The following PRMT3 variants were observed in gnomAD, a reference collection of about 807,000 sequenced individuals.
PRMT3 encodes the protein protein arginine methyltransferase 3, also known as protein arginine N-methyltransferase 3.
A neutral mutation model predicts 71.9 loss-of-function variants in PRMT3; 62 were observed. The ratio of observed to expected loss-of-function variants is 0.86; its 90% CI spans 0.70 to 1.07. The LOEUF is 1.07. Among genes scored for constraint, PRMT3 ranks in the 50% least tolerant of loss-of-function variants. PRMT3 has a pLI of 0.00. For synonymous variants in PRMT3, 213 were observed against 220.4 expected (o/e 0.97, Z 0.30); for missense variants, 663 against 643.0 (o/e 1.03, Z -0.34).
At chr11:20,508,031 A>G (rs1851634497) in intron 15 of PRMT3, among the ~76,000 whole-genome samples, 1 of 151,782 alleles carries the variant, frequency 6.6e-6, no homozygotes, top group Non-Finnish European at 1.5e-5. Context: ...TCTTGAACCC[A>G]GGAGGCGGAG....
At chr11:20,504,999 C>G (rs1426442003) in intron 15 of PRMT3, among the ~76,000 whole-genome samples, 1 of 152,154 alleles carries the variant, frequency 6.6e-6, no homozygotes, top group Non-Finnish European at 1.5e-5. Flanking sequence ...TCCCAAGGTG[C>G]TGGTATTACA....
In PRMT3 at chr11:20,392,905, A is replaced by T; in HGVS notation, c.306A>T (p.Thr102=). 6.3e-7 allele frequency: 1 copy of T among 1,580,880 alleles called. No individual in the cohort carries two copies. Residue 102 remains threonine, a synonymous_variant, in exon 5 of 16, where the codon ACA becomes ACT. Coordinates refer to ENST00000331079, the MANE Select transcript of PRMT3 (RefSeq NM_005788.4). The part of the protein sequence containing the change: ...LINFIRLKNP[T]VEYMNSIYNP... ...ATTAATTTTATATCCAGAATCCTACAGTTGAGTACATGAATTCCATATACA... is the reference window on the plus strand; with the variant it reads ...ATTAATTTTATATCCAGAATCCTACTGTTGAGTACATGAATTCCATATACA...
intron 10 of PRMT3, among the ~76,000 whole-genome samples, chr11:20,440,321 C>T (rs1365904736): frequency 6.6e-6 from 1 of 152,036 alleles, no homozygotes; most frequent in Non-Finnish European, 1.5e-5. Context: ...CACCACTGCC[C>T]TCCAGCCTGG....
rs116673567 is a variant in PRMT3 at position 20,457,796 on chromosome 11, A to C, written c.1073-4184A>C. Among the ~76,000 whole-genome samples, 1,486 of 152,336 alleles carry C rather than the reference A, an allele frequency of 9.8e-3. 17 individuals carry two copies. The highest frequency in any genetic ancestry group is 0.034 in the African/African-American group (1,425 of 41,574). ...TTCATAGTGCTTAAAGGATTCCTTT[A>C]GTATTTTCATAACTGTCTACTTCCT... On this transcript the variant is annotated intron_variant, in intron 11 of 15. Transcript: ENST00000331079.
At chr11:20,420,296 G>T (rs933637754) in intron 9 of PRMT3, among the ~76,000 whole-genome samples, 1 of 152,200 alleles carries the variant, frequency 6.6e-6, no homozygotes, top group African/African-American at 2.4e-5. Flanking sequence ...CAGTATAAAA[G>T]TCTGATAAAA....
chr11:20,415,280 A>T (rs1304070486), intron 9 of PRMT3, among the ~76,000 whole-genome samples: 1 of 152,126 alleles, frequency 6.6e-6, no homozygotes, highest in Non-Finnish European at 1.5e-5. Flanking sequence ...CCTTACAGGG[A>T]AATTAAATTT....
At chr11:20,481,485 A>C (rs1290379546) in intron 13 of PRMT3, among the ~76,000 whole-genome samples, 1 of 152,096 alleles carries the variant, frequency 6.6e-6, no homozygotes, top group Non-Finnish European at 1.5e-5. Context: ...TAAGCCATCT[A>C]CTTCATCTGG....
intron 9 of PRMT3, among the ~76,000 whole-genome samples, chr11:20,414,631 C>T (rs1203290086): frequency 6.6e-6 from 1 of 152,072 alleles, no homozygotes; most frequent in East Asian, 1.9e-4. Flanking sequence ...TTTGGTTTCT[C>T]ATTGACACAG....
intron 13 of PRMT3, among the ~76,000 whole-genome samples, chr11:20,478,055 C>T (rs1430875264): frequency 6.6e-6 from 1 of 152,198 alleles, no homozygotes; most frequent in African/African-American, 2.4e-5. Context: ...CAAACGCCCT[C>T]AGGTATGAAA....
At chr11:20,491,891 T>G (rs1049522207) in intron 13 of PRMT3, among the ~76,000 whole-genome samples, 37 of 152,212 alleles carry the variant, frequency 2.4e-4, no homozygotes, top group Non-Finnish European at 3.8e-4. Context: ...TCCCACATGT[T>G]CCATGCTTTT....
intron 13 of PRMT3, among the ~76,000 whole-genome samples, chr11:20,477,814 C>CA (rs1555020856): frequency 3.3e-5 from 4 of 122,728 alleles, no homozygotes; most frequent in Non-Finnish European, 5.2e-5. Context: ...CCCCCCCCCC[C>CA]ACTTCCTGTT....
chr11:20,453,026 C>T (rs759271669), intron 11 of PRMT3, among the ~76,000 whole-genome samples: 4 of 152,176 alleles, frequency 2.6e-5, no homozygotes, highest in Non-Finnish European at 4.4e-5. Context: ...TTTCTCAAAG[C>T]TTCAGAATCA....
intron 9 of PRMT3, among the ~76,000 whole-genome samples, chr11:20,414,591 T>C (rs1295913896): frequency 6.6e-6 from 1 of 152,176 alleles, no homozygotes; most frequent in Non-Finnish European, 1.5e-5. Context: ...GTAGCGTCTG[T>C]TTAATATTTT....
chr11:20,407,155 C>T (rs2133321428), intron 8 of PRMT3: 1 of 152,250 alleles, frequency 6.6e-6, no homozygotes, highest in East Asian at 1.9e-4. Flanking sequence ...TGTTGATCTT[C>T]CCAGACAGTA....
At chr11:20,389,653 T>TAAAAA in intron 2 of PRMT3, 91 bp from the exon 3 acceptor site, 1 of 662,370 alleles carries the variant, frequency 1.5e-6, no homozygotes, top group Non-Finnish European at 2.4e-6. Context: ...CCAGCAGAGT[T>TAAAAA]AAAAAAAAAA....
intron 9 of PRMT3, among the ~76,000 whole-genome samples, chr11:20,417,129 GT>G (rs1849323540): frequency 6.6e-6 from 1 of 152,150 alleles, no homozygotes; most frequent in South Asian, 2.1e-4. Flanking sequence ...TTCTTCACAG[GT>G]TTACCAATAT....
intron 10 of PRMT3, among the ~76,000 whole-genome samples, chr11:20,430,727 G>C (rs555281033): frequency 1.3e-5 from 2 of 152,006 alleles, no homozygotes; most frequent in African/African-American, 4.8e-5. Flanking sequence ...TGTAATAAGA[G>C]CACCTAAAAT....
chr11:20,420,415 G>A (rs1250803057), intron 9 of PRMT3, among the ~76,000 whole-genome samples: 2 of 152,142 alleles, frequency 1.3e-5, no homozygotes, highest in East Asian at 1.9e-4. Context: ...CCCAGGCTGC[G>A]GATGAGTATC....
At chr11:20,493,857 A>G in intron 13 of PRMT3, 62 bp from the exon 14 acceptor site, 1 of 1,125,380 alleles carries the variant, frequency 8.9e-7, no homozygotes, top group Non-Finnish European at 1.3e-6. Context: ...AGAGACAGTA[A>G]TGAGTTATTA....
Sources: gnomAD v4.1 joint callset for allele counts (sites outside exome capture counted in the v4.1 genomes callset) on GRCh38, gnomAD v4.1.1 for gene constraint, MANE v1.5 for transcripts, NCBI Gene and HGNC (gene_info 2026-07-23, HGNC 2026-07-21) for gene names.